The following MYOM3 variants were observed in gnomAD, a reference collection of about 807,000 sequenced individuals.
The protein encoded by MYOM3 is myomesin 3, also known as myomesin-3.
Under a neutral mutation model 191.7 loss-of-function variants are expected in MYOM3, and 155 were observed. The ratio of observed to expected loss-of-function variants is 0.81; its 90% CI spans 0.71 to 0.92. The LOEUF is 0.92. Among genes scored for constraint, MYOM3 ranks in the 40% least tolerant of loss-of-function variants. MYOM3 has a pLI of 0.00. For missense variants in MYOM3, 1,889 were observed against 1,890.6 expected (o/e 1.00, Z 0.02); for synonymous variants, 757 against 762.9 (o/e 0.99, Z 0.13).
chr1:24,102,205 C>T (rs1022846858), intron 5 of MYOM3, among the ~76,000 whole-genome samples: 5 of 152,212 alleles, frequency 3.3e-5, no homozygotes, highest in African/African-American at 9.7e-5. Context: ...GCCACACCCA[C>T]GCCCCACCAT....
intron 25 of MYOM3, among the ~76,000 whole-genome samples, chr1:24,069,617 T>TTC (rs1557603610): frequency 6.0e-5 from 2 of 33,446 alleles, no homozygotes; most frequent in African/African-American, 1.7e-4. Flanking sequence ...CTTTCTTTCT[T>TTC]TTTTTTTTTT....
At chr1:24,095,117 C>A (rs1184013631) in intron 8 of MYOM3, 127 bp from the exon 9 acceptor site, 4 of 1,040,302 alleles carry the variant, frequency 3.8e-6, no homozygotes, top group Non-Finnish European at 1.4e-6. Flanking sequence ...GGGGACCTGG[C>A]CTTGGGGTAG....
rs763293169 is a variant in MYOM3, at chr1:24,064,128, G to A, written c.3566C>T (p.Ala1189Val). 1.7e-5 allele frequency: 27 copies of A among 1,613,852 alleles called. 1 individual carries two copies. The highest frequency in any genetic ancestry group is 1.0e-4 in the Admixed American group (6 of 59,990). The change falls in exon 30 of 37, where the codon GCG (alanine) becomes GTG (valine). Residue 1189 changes from alanine (A) to valine (V), a missense_variant. Physicochemically the swap from Ala to Val is moderately conservative, Grantham distance 64. Coordinates refer to ENST00000374434, the MANE Select transcript of MYOM3 (RefSeq NM_152372.4). Reference sequence around the variant, plus strand: ...CTCCCCTCGATCGTCAGAAACCATCGCTCTGTAAATTCCCTTGTCCTTTTT... The same window carrying A: ...CTCCCCTCGATCGTCAGAAACCATCACTCTGTAAATTCCCTTGTCCTTTTT... ...LSKKDKGIYR[A>V]MVSDDRGEDD... is the part of the protein sequence containing the mutation.
rs188502850 is a variant in MYOM3, at chr1:24,084,279, C to A, written c.1970+189G>T. 85 of 610,626 alleles carry A rather than the reference C, an allele frequency of 1.4e-4. 3 individuals are homozygous for A. The Middle Eastern group carries it at 2.7e-3, about 19-fold the overall frequency. 37.8% of individuals were successfully genotyped at this position (610,626 alleles called of 1,614,324 possible). On this transcript the variant is annotated intron_variant, in intron 16 of 36. Coordinates refer to ENST00000374434, the MANE Select transcript of MYOM3 (RefSeq NM_152372.4). The stretch of plus-strand genomic sequence containing the variant: ...CCTCTCCTGCTCCCGCCATGTAAGA[C>A]ATGCTTCCTTCCCCCTCGCCTTCCG...
chr1:24,064,350 A>C, intron 29 of MYOM3, 191 bp from the exon 30 acceptor site: 1 of 551,026 alleles, frequency 1.8e-6, no homozygotes, highest in Non-Finnish European at 3.2e-6. Flanking sequence ...TCAGCTCCAG[A>C]GCCCTTGGAT....
At chr1:24,089,514 G>T (rs1261564888) in intron 14 of MYOM3, 24 bp downstream of exon 14, 1 of 1,586,618 alleles carries the variant, frequency 6.3e-7, no homozygotes, top group Admixed American at 1.8e-5. Flanking sequence ...GCTGGCCTGG[G>T]GCTGGGGCCT....
chr1:24,066,891 G>A (rs769882943), intron 28 of MYOM3, 130 bp downstream of exon 28: 157 of 815,966 alleles, frequency 1.9e-4, no homozygotes, highest in Non-Finnish European at 2.7e-4. Flanking sequence ...GGTACTTTCT[G>A]TGTGTGCGAT....
At position 24,108,607 on chromosome 1, in the gene MYOM3, C is replaced by T. The variant is rs749597601; in HGVS notation, c.30G>A (p.Ala10=). 22 of 1,567,132 alleles carry T rather than the reference C, an allele frequency of 1.4e-5. No individual in the cohort carries two copies. Among genetic ancestry groups the T allele is most frequent in the African/African-American group, 6.8e-5 (5 of 73,358 alleles). Residue 10 remains alanine (A), a synonymous_variant, in exon 2 of 37, where the codon GCG becomes GCA. Coordinates refer to ENST00000374434, the MANE Select transcript of MYOM3 (RefSeq NM_152372.4). MTLPHSLGG[A]GDPRPPQAME... ...TGGCCTGGGGGGGCCGGGGGTCCCC[C>T]GCACCTCCCAAGCTGTGCGGCAGAG... is the stretch of plus-strand genomic sequence containing the variant.
rs1557618600 is a variant in MYOM3 at position 24,105,931 on chromosome 1, G to A, written c.549C>T (p.Pro183=). The A allele has an allele frequency of 1.2e-6, 2 of 1,606,048 alleles. No individual in the cohort carries two copies. Among genetic ancestry groups the A allele is most frequent in the Admixed American group, 1.7e-5 (1 of 59,244 alleles). Residue 183 remains proline, a synonymous_variant, in exon 5 of 37, where the codon CCC becomes CCT. Coordinates refer to ENST00000374434, the MANE Select transcript of MYOM3 (RefSeq NM_152372.4). ...LTCTVQASPP[P]QVTWYKNDTR... ...CCCCAGCGGCTTACCAGGTGACCTG[G>A]GGTGGTGGTGAGGCCTGGACAGTGC... is the stretch of plus-strand genomic sequence containing the variant.
At chr1:24,057,810 CTTTTA>C (rs769731786) in intron 36 of MYOM3, among the ~76,000 whole-genome samples, 183 bp from the exon 37 acceptor site, 12 of 152,044 alleles carry the variant, frequency 7.9e-5, no homozygotes, top group Non-Finnish European at 8.8e-5. Context: ...CATCCTCAAC[CTTTTA>C]TTTTATTTTG....
intron 5 of MYOM3, among the ~76,000 whole-genome samples, chr1:24,101,460 G>C (rs1028510602): frequency 6.6e-6 from 1 of 152,204 alleles, no homozygotes; most frequent in African/African-American, 2.4e-5. Context: ...AAAATCCCCT[G>C]GTGAGGTCGT....
intron 11 of MYOM3, among the ~76,000 whole-genome samples, chr1:24,091,407 C>G (rs1161028172): frequency 6.6e-6 from 1 of 152,194 alleles, no homozygotes; most frequent in Non-Finnish European, 1.5e-5. Flanking sequence ...CCTAAGTTGG[C>G]ATGCATTCCA....
At chr1:24,093,549 C>T (rs142976454) in intron 9 of MYOM3, among the ~76,000 whole-genome samples, 13 of 149,796 alleles carry the variant, frequency 8.7e-5, no homozygotes, top group African/African-American at 2.2e-4. Flanking sequence ...GGGTGGAGGA[C>T]GTGTCGTGGG....
At chr1:24,068,067 G>A (rs1324538333) in intron 26 of MYOM3, 38 bp from the exon 27 acceptor site, 32 of 1,611,568 alleles carry the variant, frequency 2.0e-5, no homozygotes, top group Non-Finnish European at 2.5e-5. Context: ...TGAGCCGAGA[G>A]GAGTGTGGGT....
At chr1:24,072,652 A>G (rs1643546654) in intron 23 of MYOM3, among the ~76,000 whole-genome samples, 2 of 152,242 alleles carry the variant, frequency 1.3e-5, no homozygotes, top group South Asian at 4.1e-4. Flanking sequence ...CTCCTGCCTC[A>G]GCCTCCCAAG....
At chr1:24,086,620 C>A in intron 15 of MYOM3, 24 bp downstream of exon 15, 1 of 1,607,020 alleles carries the variant, frequency 6.2e-7, no homozygotes, top group Non-Finnish European at 8.5e-7. Flanking sequence ...GCCTCCTCCC[C>A]GACCCCCGGC....
At chr1:24,071,002 G>C (rs1222885771) in intron 25 of MYOM3, 115 bp downstream of exon 25, 2 of 1,313,872 alleles carry the variant, frequency 1.5e-6, no homozygotes, top group Non-Finnish European at 2.1e-6. Flanking sequence ...AAAGCACACC[G>C]TCATTTCTGA....
At chr1:24,058,490 A>T (rs1218368942) in intron 36 of MYOM3, among the ~76,000 whole-genome samples, 2 of 152,204 alleles carry the variant, frequency 1.3e-5, no homozygotes, top group Non-Finnish European at 2.9e-5. Flanking sequence ...ACCCTATTTC[A>T]TGTGATTACC....
intron 23 of MYOM3, among the ~76,000 whole-genome samples, chr1:24,073,183 G>C (rs974795151): frequency 6.6e-6 from 1 of 152,148 alleles, no homozygotes; most frequent in Non-Finnish European, 1.5e-5. Flanking sequence ...CAGGAAGGTG[G>C]CATGACTTGT....
Sources: allele counts gnomAD v4.1 joint callset (sites outside exome capture counted in the v4.1 genomes callset), GRCh38; gene constraint gnomAD v4.1.1; transcripts MANE v1.5; gene names NCBI Gene and HGNC (gene_info 2026-07-23, HGNC 2026-07-21).